The following LAMP1 variants were observed in gnomAD, a reference collection of about 807,000 sequenced individuals.
The protein encoded by LAMP1 is lysosome associated membrane protein 1, also known as lysosome-associated membrane glycoprotein 1.
A neutral mutation model predicts 37.5 loss-of-function variants in LAMP1; 7 were observed. That is an observed-to-expected ratio of 0.19 (90% CI 0.11 to 0.35). The LOEUF is 0.35. Ranked by LOEUF, LAMP1 falls within the 10% of genes least tolerant of loss-of-function variation. The pLI, the probability that LAMP1 is intolerant of heterozygous loss-of-function variation, is 1.00. For missense variants in LAMP1, 537 were observed against 552.8 expected (o/e 0.97, Z 0.29); for synonymous variants, 236 against 229.1 (o/e 1.03, Z -0.27).
intron 4 of LAMP1, among the ~76,000 whole-genome samples, chr13:113,312,313 TG>T (rs576758673): frequency 1.7e-4 from 26 of 152,362 alleles, no homozygotes; most frequent in Admixed American, 5.9e-4. Context: ...ATAAAGATTA[TG>T]TAAAATTCAG....
intron 4 of LAMP1, among the ~76,000 whole-genome samples, chr13:113,317,632 G>A (rs2042673655): frequency 6.6e-6 from 1 of 151,506 alleles, no homozygotes; most frequent in Admixed American, 6.6e-5. Context: ...GGCCGGTTTT[G>A]CACATTTAAC....
rs1190809730 is a variant in LAMP1 at position 113,297,982 on chromosome 13, G to A, written c.61+487G>A. ...CCAGGACAGGGAGAAGCCGGTGCGA[G>A]CATTCCCCACCTTTGTACTTGAACC... On this transcript the variant is annotated intron_variant, in intron 1 of 8. Transcript: ENST00000332556. This position sits in a 1 kb window ranked among gnomAD's most constrained non-coding sequence, Gnocchi z 4.4. Among the ~76,000 whole-genome samples, 2 of 152,196 alleles carry A rather than the reference G, an allele frequency of 1.3e-5. No individual in the cohort carries two copies. The highest frequency in any genetic ancestry group is 2.9e-5 in the Non-Finnish European group (2 of 68,040).
In LAMP1 at chr13:113,323,531, G is replaced by A. The variant is rs1057042999; in HGVS notation, c.*1110G>A. On this transcript the variant is annotated 3_prime_UTR_variant, in exon 9 of 9. Coordinates refer to ENST00000332556, the MANE Select transcript of LAMP1 (RefSeq NM_005561.4). Reference sequence around the variant, plus strand: ...TCTCGGTGCAGAGAGAAGGGTGTCAGGGAAACGGGGGGTGAGGGTGGTCTT... The same window carrying A: ...TCTCGGTGCAGAGAGAAGGGTGTCAAGGAAACGGGGGGTGAGGGTGGTCTT... 6.6e-6 allele frequency: 1 copy of A among 151,764 alleles called. No homozygotes were observed. Among genetic ancestry groups the A allele is most frequent in the Non-Finnish European group, 1.5e-5 (1 of 67,954 alleles). The allele number at this position is 151,764 out of a possible 1,614,324, so 9.4% of individuals were successfully genotyped here.
intron 1 of LAMP1, chr13:113,305,082 G>A (rs1300503246): frequency 2.0e-5 from 3 of 152,206 alleles, no homozygotes. Context: ...ATTTTATTTT[G>A]TGAAAGACCC....
At chr13:113,314,086 A>G (rs1422151897) in intron 4 of LAMP1, among the ~76,000 whole-genome samples, 39 of 42,234 alleles carry the variant, frequency 9.2e-4, no homozygotes, top group Admixed American at 1.6e-3. Flanking sequence ...CCTGGAGGGA[A>G]CCAGTGTGGA....
chr13:113,318,217 T>C (rs1421410695), intron 4 of LAMP1, among the ~76,000 whole-genome samples: 2 of 152,172 alleles, frequency 1.3e-5, no homozygotes, highest in African/African-American at 4.8e-5. Flanking sequence ...TCAGAACCCG[T>C]TGGGGTGCAG....
rs776152874 is a variant in LAMP1, at chr13:113,310,816, C to T, written c.511C>T (p.His171Tyr). Residue 171 changes from histidine to tyrosine, a missense_variant, in exon 4 of 9, where the codon CAT (histidine) becomes TAT (tyrosine). Coordinates refer to ENST00000332556, the MANE Select transcript of LAMP1 (RefSeq NM_005561.4). ...VHMNNVTVTLHDATIQAYLSN... is the reference protein window; with the variant it reads ...VHMNNVTVTLYDATIQAYLSN... ...CATGAACAACGTGACCGTAACGCTC[C>T]ATGATGCCACCATCCAGGCGTACCT... The T allele has an allele frequency of 6.2e-7, 1 of 1,613,878 alleles. No individual in the cohort carries two copies. Among genetic ancestry groups the T allele is most frequent in the Non-Finnish European group, 8.5e-7 (1 of 1,179,952 alleles).
intron 1 of LAMP1, among the ~76,000 whole-genome samples, chr13:113,303,399 C>G (rs1319501409): frequency 6.6e-6 from 1 of 152,156 alleles, no homozygotes; most frequent in Non-Finnish European, 1.5e-5. Context: ...ACAGGACTGC[C>G]GGAGATAGCA....
At chr13:113,312,533 CG>C (rs1379641990) in intron 4 of LAMP1, among the ~76,000 whole-genome samples, 1 of 152,194 alleles carries the variant, frequency 6.6e-6, no homozygotes, top group African/African-American at 2.4e-5. Flanking sequence ...TTGGAAACCC[CG>C]GGTGTGACTG....
chr13:113,316,280 G>A (rs185301047), intron 4 of LAMP1, among the ~76,000 whole-genome samples: 1 of 152,150 alleles, frequency 6.6e-6, no homozygotes, highest in Non-Finnish European at 1.5e-5. Context: ...TGAGTTCACC[G>A]GGAGGAGTGG....
chr13:113,317,875 G>T (rs2042675103), intron 4 of LAMP1, among the ~76,000 whole-genome samples: 1 of 152,138 alleles, frequency 6.6e-6, no homozygotes, highest in Non-Finnish European at 1.5e-5. Context: ...ACTTTGTGGA[G>T]ATGGGGGTCT....
chr13:113,320,476 G>A lies in LAMP1; in HGVS notation c.876+6G>A. 4 of 1,605,148 alleles carry A rather than the reference G, an allele frequency of 2.5e-6. No individual in the cohort carries two copies. The highest frequency in any genetic ancestry group is 2.5e-6 in the Non-Finnish European group (3 of 1,179,430). On this transcript the variant is annotated splice_donor_region_variant and intron_variant, in intron 6 of 8. Coordinates refer to ENST00000332556, the MANE Select transcript of LAMP1 (RefSeq NM_005561.4). The surrounding 1 kb of genome is among the most constrained non-coding windows in gnomAD (Gnocchi z 4.4). ...TGCTCTTCCAGTTCGGGATGGTGAGGCTGGGGCGGCACCTCTCTGGGGGCG... is the reference window on the plus strand; with the variant it reads ...TGCTCTTCCAGTTCGGGATGGTGAGACTGGGGCGGCACCTCTCTGGGGGCG...
intron 1 of LAMP1, chr13:113,305,077 A>G (rs2042591821): frequency 6.6e-6 from 1 of 152,206 alleles, no homozygotes; most frequent in South Asian, 2.1e-4. Context: ...TAAAGATTTT[A>G]TTTTGTGAAA....
At chr13:113,317,890 A>G (rs146837774) in intron 4 of LAMP1, among the ~76,000 whole-genome samples, 28 of 152,210 alleles carry the variant, frequency 1.8e-4, no homozygotes, top group Non-Finnish European at 2.2e-4. Context: ...GGGTCTCCCT[A>G]TGTTGCCCAG....
intron 1 of LAMP1, among the ~76,000 whole-genome samples, chr13:113,301,647 ATATATATATAT>A (rs1566396920): frequency 0.03 from 12 of 394 alleles, 1 homozygote; most frequent in Middle Eastern, 1. Flanking sequence ...AAAAAAAAAT[ATATATATATAT>A]ATATATATAT....
At chr13:113,315,552 G>A (rs1054812136) in intron 4 of LAMP1, among the ~76,000 whole-genome samples, 1 of 151,398 alleles carries the variant, frequency 6.6e-6, no homozygotes, top group Non-Finnish European at 1.5e-5. Flanking sequence ...ACCACGTCTG[G>A]TTAATTTTTA....
intron 1 of LAMP1, chr13:113,305,013 G>A (rs1447598781): frequency 6.6e-6 from 1 of 152,218 alleles, no homozygotes; most frequent in African/African-American, 2.4e-5. Flanking sequence ...AGGGAAGATA[G>A]GTGGGACTAC....
Position 113,297,401 on chromosome 13 carries a change from C to T in LAMP1, c.-34C>T, listed in dbSNP as rs1595454900. 3.0e-6 allele frequency: 2 copies of T among 665,034 alleles called. No individual in the cohort carries two copies. Among genetic ancestry groups the T allele is most frequent in the African/African-American group, 1.9e-5 (1 of 51,964 alleles). 41.2% of individuals were successfully genotyped at this position (665,034 alleles called of 1,614,324 possible). On this transcript the variant is annotated 5_prime_UTR_variant, in exon 1 of 9. Coordinates refer to ENST00000332556, the MANE Select transcript of LAMP1 (RefSeq NM_005561.4). This position sits in a 1 kb window ranked among gnomAD's most constrained non-coding sequence, Gnocchi z 4.4. ...CGCGGCCCAACCGCCGCCCGCGCCC[C>T]CGCTCCCCGCACCGTACCCGGCCGC...
rs1669485319 is a variant in LAMP1 at position 113,323,574 on chromosome 13, A to G, written c.*1153A>G. 1 of 151,408 alleles carries G rather than the reference A, an allele frequency of 6.6e-6. No individual in the cohort carries two copies. Among genetic ancestry groups the G allele is most frequent in the African/African-American group, 2.4e-5 (1 of 41,138 alleles). 9.4% of individuals were successfully genotyped at this position (151,408 alleles called of 1,614,324 possible). A position where few individuals can be genotyped will look rare whatever the true frequency, so the allele number is the denominator to read the frequency against. On this transcript the variant is annotated 3_prime_UTR_variant, in exon 9 of 9. Coordinates refer to ENST00000332556, the MANE Select transcript of LAMP1 (RefSeq NM_005561.4). ...GTGGTCTTGGTGCCAGACGTAGGGA[A>G]TGGTGTTGGGAGTGGCCCGAGTGCC...
Sources: allele counts gnomAD v4.1 joint callset (sites outside exome capture counted in the v4.1 genomes callset), GRCh38; gene constraint gnomAD v4.1.1; non-coding constraint Gnocchi (gnomAD v3.1); transcripts MANE v1.5; gene names NCBI Gene and HGNC (gene_info 2026-07-23, HGNC 2026-07-21).